Variants in CCM2L observed in about 807,000 individuals in gnomAD.
CCM2L encodes the protein cerebral cavernous malformations 2 protein-like.
CCM2L carries 36 observed loss-of-function variants against 54.1 expected under a neutral mutation model. The ratio of observed to expected loss-of-function variants is 0.67; its 90% CI spans 0.51 to 0.88. CCM2L has a LOEUF of 0.88. Among genes scored for constraint, CCM2L ranks in the 40% least tolerant of loss-of-function variants. CCM2L has a pLI of 0.00. For synonymous variants in CCM2L, 351 were observed against 359.3 expected, an observed-to-expected ratio of 0.98 and a Z score of 0.26; for missense variants, 700 against 812.1, an observed-to-expected ratio of 0.86 and a Z score of 1.68.
chr20:32,013,437 TG>T (rs1220526328), intron 1 of CCM2L, among the ~76,000 whole-genome samples: 1 of 151,328 alleles, frequency 6.6e-6, no homozygotes, highest in Non-Finnish European at 1.5e-5. Flanking sequence ...AGTGGGGGGG[TG>T]GGGGTTGTTT....
chr20:32,024,636 G>A (rs1268633853), intron 6 of CCM2L, among the ~76,000 whole-genome samples: 1 of 152,182 alleles, frequency 6.6e-6, no homozygotes, highest in Non-Finnish European at 1.5e-5. Flanking sequence ...AGACTAGCCT[G>A]GCCAACATGG....
chr20:32,029,273 GC>G, intron 8 of CCM2L, 149 bp downstream of exon 8: 1 of 1,108,886 alleles, frequency 9.0e-7, no homozygotes, highest in Non-Finnish European at 1.3e-6. Flanking sequence ...GTAAACTGAG[GC>G]CAGCTTGTGA....
chr20:32,015,275 T>G (rs888707950), intron 2 of CCM2L, among the ~76,000 whole-genome samples: 1 of 152,160 alleles, frequency 6.6e-6, no homozygotes, highest in African/African-American at 2.4e-5. Flanking sequence ...CATCTCAACA[T>G]GAGGCTCAAA....
chr20:32,025,819 T>C, intron 6 of CCM2L, 37 bp from the exon 7 acceptor site: 1 of 1,296,506 alleles, frequency 7.7e-7, no homozygotes, highest in Non-Finnish European at 1.0e-6. Flanking sequence ...ATCCCTGCTT[T>C]GCTGCCTCTG....
chr20:32,019,482 GC>G, intron 5 of CCM2L, 73 bp downstream of exon 5: 1 of 812,488 alleles, frequency 1.2e-6, no homozygotes, highest in Non-Finnish European at 1.5e-6. Context: ...CCTTGCCCCC[GC>G]CCCACCCACC....
intron 7 of CCM2L, chr20:32,028,433 C>CA (rs533694905): frequency 0.23 from 24,414 of 107,530 alleles, 3,251 homozygotes; most frequent in African/African-American, 0.43. Context: ...GAATCTGTCT[C>CA]AAAAAAAAAA....
intron 4 of CCM2L, among the ~76,000 whole-genome samples, chr20:32,018,589 C>A (rs943616486): frequency 6.6e-6 from 1 of 151,468 alleles, no homozygotes; most frequent in Non-Finnish European, 1.5e-5. Context: ...TCCAAGGGGG[C>A]GGTCCCTGAA....
chr20:32,028,947 C>T, intron 7 of CCM2L, 48 bp from the exon 8 acceptor site: 2 of 1,609,746 alleles, frequency 1.2e-6, no homozygotes, highest in African/African-American at 1.3e-5. Context: ...GCCTGAGGGC[C>T]AGGAGCTGGA....
chr20:32,021,745 C>T lies in CCM2L; in HGVS notation c.934-915C>T, dbSNP rs77453800. Among the ~76,000 whole-genome samples, 1,266 of 152,266 alleles carry T rather than the reference C, an allele frequency of 8.3e-3. 15 individuals are homozygous for T. The highest frequency in any genetic ancestry group is 0.028 in the African/African-American group (1,150 of 41,556). On this transcript the variant is annotated intron_variant, in intron 5 of 9. Transcript: ENST00000452892. ...TATAGGAGTTAGAGTAAAAAACAAC[C>T]TGGGTGCTGGTACTAATGCCATGAA...
chr20:32,026,873 C>G (rs1162647327), intron 7 of CCM2L, among the ~76,000 whole-genome samples: 2 of 144,568 alleles, frequency 1.4e-5, no homozygotes, highest in Non-Finnish European at 3.0e-5. Flanking sequence ...GAGACTCTAT[C>G]TCAAAAAAAA....
At chr20:32,021,680 A>G (rs1318841336) in intron 5 of CCM2L, among the ~76,000 whole-genome samples, 2 of 152,092 alleles carry the variant, frequency 1.3e-5, no homozygotes, top group African/African-American at 4.8e-5. Context: ...TTGTCTGAGC[A>G]TCTGGCTTCT....
chr20:32,016,659 C>T (rs774191306), intron 2 of CCM2L, among the ~76,000 whole-genome samples: 5 of 152,088 alleles, frequency 3.3e-5, no homozygotes, highest in African/African-American at 7.2e-5. Flanking sequence ...CCAGCCCCCC[C>T]ACGCCCGCCA....
In CCM2L at chr20:32,017,819, G is replaced by A; in HGVS notation, c.218G>A (p.Trp73Ter). The change falls in exon 3 of 10, where the codon TGG becomes TAG. Residue 73 changes from tryptophan to a stop codon, truncating the protein, a stop_gained. Transcript: ENST00000452892. LOFTEE classifies it high-confidence loss of function. ...ATCCAGTTCCTGGGCCACCTTACCTGGGTGACTTCCTCACTGAACCCCTCC... is the reference window on the plus strand; with the variant it reads ...ATCCAGTTCCTGGGCCACCTTACCTAGGTGACTTCCTCACTGAACCCCTCC... ...KEVKFLGHLT[W>*]VTSSLNPSSR... 6.2e-7 allele frequency: 1 copy of A among 1,614,076 alleles called. No homozygotes were observed. The highest frequency in any genetic ancestry group is 8.5e-7 in the Non-Finnish European group (1 of 1,180,016).
intron 7 of CCM2L, 94 bp from the exon 8 acceptor site, chr20:32,028,901 C>A: frequency 6.6e-7 from 1 of 1,510,938 alleles, no homozygotes; most frequent in Non-Finnish European, 9.0e-7. Context: ...TGGAGGCCAG[C>A]ATGCAGTCTA....
In CCM2L at chr20:32,018,060, T is replaced by C. The variant is rs1385480972; in HGVS notation, c.364T>C (p.Trp122Arg). The C allele has an allele frequency of 9.3e-6, 15 of 1,613,534 alleles. No individual in the cohort carries two copies. Among genetic ancestry groups the C allele is most frequent in the Non-Finnish European group, 1.3e-5 (15 of 1,179,962 alleles). Residue 122 changes from tryptophan (W) to arginine (R), a missense_variant, in exon 4 of 10, where the codon TGG becomes CGG. Coordinates refer to ENST00000452892, the MANE Select transcript of CCM2L (RefSeq NM_001365692.1). ...SLSARCLLLT[W>R]RDNEELILRI... ...GTCTGCCCGCTGCCTGCTGCTCACC[T>C]GGCGCGACAATGAAGAGCTCATTCT... is the stretch of plus-strand genomic sequence containing the variant.
chr20:32,022,886 G>A (rs144199110), intron 6 of CCM2L, 91 bp downstream of exon 6: 4 of 1,426,458 alleles, frequency 2.8e-6, no homozygotes, highest in Non-Finnish European at 3.8e-6. Context: ...GCTGATGAAG[G>A]TATTTAGGGC....
At chr20:32,020,779 A>G (rs2064798536) in intron 5 of CCM2L, among the ~76,000 whole-genome samples, 1 of 152,136 alleles carries the variant, frequency 6.6e-6, no homozygotes, top group Non-Finnish European at 1.5e-5. Flanking sequence ...TGAGTTGAGG[A>G]GTTAAGACCA....
At chr20:32,018,788 G>C (rs1295558145) in intron 4 of CCM2L, among the ~76,000 whole-genome samples, 155 bp from the exon 5 acceptor site, 1 of 152,094 alleles carries the variant, frequency 6.6e-6, no homozygotes, top group Non-Finnish European at 1.5e-5. Flanking sequence ...TGTGGAAGCG[G>C]AGTGGGCGGG....
chr20:32,029,443 T>C (rs554532278), intron 8 of CCM2L, among the ~76,000 whole-genome samples: 12 of 152,260 alleles, frequency 7.9e-5, no homozygotes, highest in Middle Eastern at 3.4e-3. Flanking sequence ...AAAGCAAGCA[T>C]CATGGAGGTT....
Sources: gnomAD v4.1 joint callset for allele counts (sites outside exome capture counted in the v4.1 genomes callset) on GRCh38, gnomAD v4.1.1 for gene constraint, MANE v1.5 for transcripts, NCBI Gene and HGNC (gene_info 2026-07-23, HGNC 2026-07-21) for gene names.